Variants in SEMA5A observed in about 807,000 individuals in gnomAD.
The protein encoded by SEMA5A is semaphorin 5A, also known as semaphorin-5A.
SEMA5A carries 55 observed loss-of-function variants against 135.5 expected under a neutral mutation model. The ratio of observed to expected loss-of-function variants is 0.41; its 90% confidence interval spans 0.33 to 0.51. SEMA5A has a LOEUF of 0.51. Ranked by LOEUF, SEMA5A falls within the 20% of genes least tolerant of loss-of-function variation. SEMA5A has a pLI of 0.37. For synonymous variants in SEMA5A, 580 were observed against 546.5 expected (o/e 1.06, Z -0.85); for missense variants, 1,290 against 1,419.9 (o/e 0.91, Z 1.47).
intron 4 of SEMA5A, among the ~76,000 whole-genome samples, chr5:9,332,556 C>A (rs1411024103): frequency 6.7e-6 from 1 of 150,082 alleles, no homozygotes; most frequent in Non-Finnish European, 1.5e-5. Flanking sequence ...GCAAGGCATG[C>A]AGCTATGGGC....
intron 5 of SEMA5A, among the ~76,000 whole-genome samples, chr5:9,288,719 A>G (rs1750921548): frequency 6.6e-6 from 1 of 152,234 alleles, no homozygotes; most frequent in Non-Finnish European, 1.5e-5. Context: ...CCAACATTAA[A>G]ATAAAAATAA....
At chr5:9,468,828 A>C (rs1759365200) in intron 1 of SEMA5A, among the ~76,000 whole-genome samples, 1 of 152,340 alleles carries the variant, frequency 6.6e-6, no homozygotes, top group African/African-American at 2.4e-5. Context: ...TTTTAGAAGA[A>C]GAGCCACTGA....
chr5:9,435,820 C>G (rs1758008422), intron 2 of SEMA5A, among the ~76,000 whole-genome samples: 1 of 152,220 alleles, frequency 6.6e-6, no homozygotes, highest in Non-Finnish European at 1.5e-5. Context: ...CTGTAAGCGC[C>G]AAAATGTTTT....
chr5:9,346,483 T>C lies in SEMA5A; in HGVS notation c.125-8671A>G, dbSNP rs568157986. Among the ~76,000 whole-genome samples the C allele has an allele frequency of 1.6e-4, 25 of 152,324 alleles. No individual in the cohort carries two copies. In the South Asian group the frequency reaches 4.6e-3, roughly 28 times the overall value. On this transcript the variant is annotated intron_variant, in intron 3 of 22. Transcript: ENST00000382496. ...TTAAGCTATCTGCAGGCAGCAGAGCTAAAAGAGCACTGTAATATGCCCTCT... is the reference window on the plus strand; with the variant it reads ...TTAAGCTATCTGCAGGCAGCAGAGCCAAAAGAGCACTGTAATATGCCCTCT...
chr5:9,102,451 G>A (rs551964437), intron 16 of SEMA5A, among the ~76,000 whole-genome samples: 1 of 152,078 alleles, frequency 6.6e-6, no homozygotes, highest in East Asian at 1.9e-4. Flanking sequence ...AGCCAAATAG[G>A]AAACTTACAG....
At chr5:9,528,868 T>C (rs1306407240) in intron 1 of SEMA5A, among the ~76,000 whole-genome samples, 3 of 152,148 alleles carry the variant, frequency 2.0e-5, no homozygotes, top group African/African-American at 7.2e-5. Flanking sequence ...AGAACTACAT[T>C]GTTTGCTCAC....
chr5:9,351,167 A>AG (rs11378538), intron 3 of SEMA5A, among the ~76,000 whole-genome samples: 124,278 of 152,066 alleles, frequency 0.82, 52,440 homozygotes, highest in Non-Finnish European at 0.93. Context: ...TTAGGCAGCA[A>AG]TCTTTAGCTT....
chr5:9,156,689 G>A (rs190842557), intron 11 of SEMA5A, among the ~76,000 whole-genome samples: 74 of 152,302 alleles, frequency 4.9e-4, no homozygotes, highest in African/African-American at 1.7e-3. Flanking sequence ...TGTGACCAGC[G>A]TCACACTAGT....
chr5:9,100,175 G>A (rs138914452), intron 16 of SEMA5A, among the ~76,000 whole-genome samples: 1 of 152,302 alleles, frequency 6.6e-6, no homozygotes, highest in East Asian at 1.9e-4. Flanking sequence ...GCTCCAGATT[G>A]TGTTTAACCC....
At position 9,369,508 on chromosome 5, in the gene SEMA5A, T is replaced by C. The variant is rs78111973; in HGVS notation, c.124+10315A>G. 7.2e-3 allele frequency among the ~76,000 whole-genome samples: 1,104 copies of C among 152,294 alleles called. 18 individuals carry two copies. The highest frequency in any genetic ancestry group is 0.025 in the African/African-American group (1,047 of 41,552). The stretch of plus-strand genomic sequence containing the variant: ...CCTTAGGTCTGTCATCCCTATCAGG[T>C]AATTGTTGTATATTGTGTGAAGCAA... On this transcript the variant is annotated intron_variant, in intron 3 of 22. Transcript: ENST00000382496.
intron 5 of SEMA5A, among the ~76,000 whole-genome samples, chr5:9,309,370 G>A (rs915896511): frequency 1.3e-5 from 2 of 152,140 alleles, no homozygotes; most frequent in East Asian, 3.9e-4. Context: ...CACAGACTAG[G>A]AGAAAATGCT....
At chr5:9,419,574 A>T (rs1000090009) in intron 2 of SEMA5A, among the ~76,000 whole-genome samples, 1 of 152,192 alleles carries the variant, frequency 6.6e-6, no homozygotes, top group Non-Finnish European at 1.5e-5. Context: ...AAACATGCAC[A>T]CATCTGGTCA....
chr5:9,211,747 C>A (rs899976283), intron 8 of SEMA5A, among the ~76,000 whole-genome samples: 2 of 152,182 alleles, frequency 1.3e-5, no homozygotes, highest in East Asian at 3.8e-4. Flanking sequence ...TTCATAGTTG[C>A]ATTTTAAAGA....
chr5:9,305,728 T>TATATATATGTGTGTATATATATA (rs1287444762), intron 5 of SEMA5A, among the ~76,000 whole-genome samples: 1 of 95,000 alleles, frequency 1.1e-5, no homozygotes, highest in African/African-American at 4.0e-5. Flanking sequence ...ATATATATAT[T>TATATATATGTGTGTATATATATA]TACACGCACA....
chr5:9,166,597 T>C (rs577991947), intron 11 of SEMA5A, among the ~76,000 whole-genome samples: 2 of 152,354 alleles, frequency 1.3e-5, no homozygotes, highest in South Asian at 2.1e-4. Context: ...ACTGTACATA[T>C]GCCAGGAGGA....
At chr5:9,293,247 T>G (rs1401108369) in intron 5 of SEMA5A, among the ~76,000 whole-genome samples, 1 of 152,224 alleles carries the variant, frequency 6.6e-6, no homozygotes, top group Admixed American at 6.5e-5. Context: ...ATCTGATATC[T>G]TTTTGTCAAC....
At chr5:9,436,456 G>A (rs1442891630) in intron 2 of SEMA5A, among the ~76,000 whole-genome samples, 5 of 151,892 alleles carry the variant, frequency 3.3e-5, no homozygotes, top group African/African-American at 1.2e-4. Context: ...AGAACCTCTC[G>A]TCTCAGCTGA....
intron 14 of SEMA5A, among the ~76,000 whole-genome samples, chr5:9,120,746 ACT>A (rs1176883844): frequency 6.6e-6 from 1 of 151,682 alleles, no homozygotes; most frequent in Non-Finnish European, 1.5e-5. Context: ...TTGTTTGGAA[ACT>A]CTTCATTTTT....
At chr5:9,082,969 T>A (rs1211359124) in intron 16 of SEMA5A, among the ~76,000 whole-genome samples, 1 of 152,260 alleles carries the variant, frequency 6.6e-6, no homozygotes, top group African/African-American at 2.4e-5. Context: ...AAAATTATCT[T>A]CTAAATATGA....
Sources: gnomAD v4.1 joint callset for allele counts (sites outside exome capture counted in the v4.1 genomes callset) on GRCh38, gnomAD v4.1.1 for gene constraint, MANE v1.5 for transcripts, NCBI Gene and HGNC (gene_info 2026-07-23, HGNC 2026-07-21) for gene names.